The following KCNQ1 variants were observed in gnomAD, a reference collection of about 807,000 sequenced individuals.
KCNQ1 encodes the protein potassium voltage-gated channel subfamily Q member 1.
Under a neutral mutation model 72.4 loss-of-function variants are expected in KCNQ1, and 49 were observed. That is an observed-to-expected ratio of 0.68 (90% CI 0.54 to 0.86). The LOEUF is 0.86. Ranked by LOEUF, KCNQ1 falls within the 40% of genes least tolerant of loss-of-function variation. The pLI is 0.00. For missense variants in KCNQ1, 790 were observed against 945.1 expected, an observed-to-expected ratio of 0.84 and a Z score of 2.15; for synonymous variants, 450 against 412.6, an observed-to-expected ratio of 1.09 and a Z score of -1.10.
intron 10 of KCNQ1, among the ~76,000 whole-genome samples, chr11:2,589,297 G>C (rs1431551958): frequency 1.3e-5 from 2 of 152,160 alleles, no homozygotes; most frequent in Non-Finnish European, 2.9e-5. Context: ...TAAAACGTGG[G>C]GGGCCTGACG....
rs144657052 is a variant in KCNQ1, at chr11:2,653,339, G to A, written c.1394-8622G>A. The A allele has an allele frequency of 1.5e-3, 584 of 398,734 alleles. 3 individuals carry two copies. The highest frequency in any genetic ancestry group is 0.01 in the African/African-American group (502 of 48,748). 24.7% of individuals were successfully genotyped at this position (398,734 alleles called of 1,614,324 possible). A position where few individuals can be genotyped will look rare whatever the true frequency, so the allele number is the denominator to read the frequency against. On this transcript the variant is annotated intron_variant, in intron 10 of 15. Transcript: ENST00000155840. The surrounding 1 kb of genome is among the most constrained non-coding windows in gnomAD (Gnocchi z 5.3). ...CTTGACTGCCCCCAGGCCCATGTCC[G>A]TAGGCTCACACCTCACCCCCAACTT...
intron 15 of KCNQ1, among the ~76,000 whole-genome samples, chr11:2,804,637 A>AAGGCAAAAGCTAATGAGTGGGGTTGC (rs1847337234): frequency 1.3e-5 from 2 of 152,204 alleles, no homozygotes; most frequent in African/African-American, 4.8e-5. Flanking sequence ...GATATTTCTA[A>AAGGCAAAAGCTAATGAGTGGGGTTGC]AGGCAAAAGC....
At chr11:2,699,883 G>A in intron 11 of KCNQ1, 1 of 398,546 alleles carries the variant, frequency 2.5e-6, no homozygotes, top group South Asian at 1.3e-4. Context: ...GGAGCCCCGG[G>A]GAGGACCACG....
At chr11:2,503,325 G>C (rs938902682) in intron 1 of KCNQ1, among the ~76,000 whole-genome samples, 1 of 152,102 alleles carries the variant, frequency 6.6e-6, no homozygotes, top group African/African-American at 2.4e-5. Context: ...ACCGCACAAG[G>C]AAAACATCTA....
intron 11 of KCNQ1, chr11:2,700,097 G>A (rs1007958120): frequency 9.3e-5 from 37 of 397,666 alleles, no homozygotes; most frequent in Non-Finnish European, 1.3e-4. Flanking sequence ...CTTGCGGCGG[G>A]CTGCTGCACG....
In KCNQ1 at chr11:2,616,238, G is replaced by A. The variant is rs148720314; in HGVS notation, c.1393+27384G>A. 988 of 389,430 alleles carry A rather than the reference G, an allele frequency of 2.5e-3. 6 individuals are homozygous for A. Among genetic ancestry groups the A allele is most frequent in the Admixed American group, 8.8e-3 (193 of 21,842 alleles). 24.1% of individuals were successfully genotyped at this position (389,430 alleles called of 1,614,324 possible). A position where few individuals can be genotyped will look rare whatever the true frequency, so the allele number is the denominator to read the frequency against. ...TCTTATTTTTGTTTTTTTTTGTTGT[G>A]TTCCTACTTTTGTTTATGATTTTAG... On this transcript the variant is annotated intron_variant, in intron 10 of 15. Coordinates refer to ENST00000155840, the MANE Select transcript of KCNQ1 (RefSeq NM_000218.3).
At chr11:2,470,466 C>T (rs1197054070) in intron 1 of KCNQ1, among the ~76,000 whole-genome samples, 2 of 152,008 alleles carry the variant, frequency 1.3e-5, no homozygotes, top group African/African-American at 2.4e-5. Context: ...CCCAGGGAGG[C>T]GGAAGAACAT....
chr11:2,695,238 C>T lies in KCNQ1; in HGVS notation c.1514+33157C>T, dbSNP rs1850654393. On this transcript the variant is annotated intron_variant, in intron 11 of 15. Transcript: ENST00000155840. This position sits in a 1 kb window ranked among gnomAD's most constrained non-coding sequence, Gnocchi z 5.2. ...GTCTGCATAAAGTCACCGCTCTCTTCCTCTCCATGCTTTTCCACTTCATCT... is the reference window on the plus strand; with the variant it reads ...GTCTGCATAAAGTCACCGCTCTCTTTCTCTCCATGCTTTTCCACTTCATCT... 1 of 398,602 alleles carries T rather than the reference C, an allele frequency of 2.5e-6. No homozygotes were observed. Among genetic ancestry groups the T allele is most frequent in the Non-Finnish European group, 4.4e-6 (1 of 226,098 alleles). The allele number at this position is 398,602 out of a possible 1,614,324, so 24.7% of individuals were successfully genotyped here.
intron 15 of KCNQ1, among the ~76,000 whole-genome samples, chr11:2,798,891 A>G (rs1847198523): frequency 6.6e-6 from 1 of 151,976 alleles, no homozygotes; most frequent in Non-Finnish European, 1.5e-5. Flanking sequence ...GGGACAGGGG[A>G]AGGGGCTGGA....
rs1848470403 is a variant in KCNQ1 at position 2,579,626 on chromosome 11, T to C, written c.922-3809T>C. Among the ~76,000 whole-genome samples the C allele has an allele frequency of 6.6e-6, 1 of 152,154 alleles. No individual in the cohort carries two copies. The highest frequency in any genetic ancestry group is 6.5e-5 in the Admixed American group (1 of 15,282). ...GAGGATGAGGGTCTGGGGCCGGGTCTGGGCAGACAGGCAGACCAGGCGAAG... is the reference window on the plus strand; with the variant it reads ...GAGGATGAGGGTCTGGGGCCGGGTCCGGGCAGACAGGCAGACCAGGCGAAG... On this transcript the variant is annotated intron_variant, in intron 6 of 15. Coordinates refer to ENST00000155840, the MANE Select transcript of KCNQ1 (RefSeq NM_000218.3). The surrounding 1 kb of genome is among the most constrained non-coding windows in gnomAD (Gnocchi z 6.0).
intron 11 of KCNQ1, among the ~76,000 whole-genome samples, chr11:2,709,051 G>A (rs1388990701): frequency 6.6e-6 from 1 of 152,010 alleles, no homozygotes. Context: ...TTACCTTTGG[G>A]GCTGCCTGCT....
At chr11:2,487,133 C>T (rs991434057) in intron 1 of KCNQ1, among the ~76,000 whole-genome samples, 12 of 152,168 alleles carry the variant, frequency 7.9e-5, no homozygotes, top group African/African-American at 2.9e-4. Flanking sequence ...AAAAGACAGT[C>T]CTTTTCTCAT....
intron 6 of KCNQ1, among the ~76,000 whole-genome samples, chr11:2,577,300 T>C (rs1848436303): frequency 6.6e-6 from 1 of 152,158 alleles, no homozygotes; most frequent in African/African-American, 2.4e-5. Context: ...GGTTCGCAGG[T>C]GGCCATGGGA....
At chr11:2,581,352 G>A (rs918294867) in intron 6 of KCNQ1, among the ~76,000 whole-genome samples, 21 of 152,176 alleles carry the variant, frequency 1.4e-4, no homozygotes, top group Non-Finnish European at 3.1e-4. Flanking sequence ...CCGATGCCCC[G>A]CCCACTTTGC....
intron 11 of KCNQ1, among the ~76,000 whole-genome samples, chr11:2,765,270 G>A (rs1846476549): frequency 6.6e-6 from 1 of 152,142 alleles, no homozygotes; most frequent in Admixed American, 6.5e-5. Flanking sequence ...GGGTTATTTA[G>A]ATTGTTTAAT....
At chr11:2,778,390 G>T (rs1846752320) in intron 15 of KCNQ1, among the ~76,000 whole-genome samples, 1 of 152,242 alleles carries the variant, frequency 6.6e-6, no homozygotes, top group Non-Finnish European at 1.5e-5. Flanking sequence ...AGTGGAGGGT[G>T]GCAGAAGCTG....
chr11:2,817,730 C>A lies in KCNQ1; in HGVS notation c.1795-30037C>A, dbSNP rs1847647250. ...CTCACAGGGGCCTACCCACTTACGACCCACCTCCTCTCCTCCATGGCAAAG... is the reference window on the plus strand; with the variant it reads ...CTCACAGGGGCCTACCCACTTACGAACCACCTCCTCTCCTCCATGGCAAAG... On this transcript the variant is annotated intron_variant, in intron 15 of 15. Transcript: ENST00000155840. This position sits in a 1 kb window ranked among gnomAD's most constrained non-coding sequence, Gnocchi z 6.1. 1.3e-5 allele frequency among the ~76,000 whole-genome samples: 2 copies of A among 152,154 alleles called. No homozygotes were observed.
At chr11:2,455,035 C>T (rs1846167732) in intron 1 of KCNQ1, among the ~76,000 whole-genome samples, 1 of 152,000 alleles carries the variant, frequency 6.6e-6, no homozygotes, top group Non-Finnish European at 1.5e-5. Context: ...AAAGAGTCTG[C>T]CAAAAGCCTT....
Position 2,479,718 on chromosome 11 carries a change from A to G in KCNQ1, c.386+34234A>G, listed in dbSNP as rs1345356104. Among the ~76,000 whole-genome samples, 1 of 152,216 alleles carries G rather than the reference A, an allele frequency of 6.6e-6. No individual in the cohort carries two copies. The highest frequency in any genetic ancestry group is 1.5e-5 in the Non-Finnish European group (1 of 68,028). ...TTTCCCCATTGTCTTAGTGATTAAC[A>G]TTTGGCTTCTTGTTACTTATGCAAA... On this transcript the variant is annotated intron_variant, in intron 1 of 15. Transcript: ENST00000155840. This position sits in a 1 kb window ranked among gnomAD's most constrained non-coding sequence, Gnocchi z 4.6.
Sources: gnomAD v4.1 joint callset for allele counts (sites outside exome capture counted in the v4.1 genomes callset) on GRCh38, gnomAD v4.1.1 for gene constraint, Gnocchi (gnomAD v3.1) non-coding constraint, MANE v1.5 for transcripts, NCBI Gene and HGNC (gene_info 2026-07-23, HGNC 2026-07-21) for gene names.